Variants in ZBTB16 observed in about 807,000 individuals in gnomAD.
The protein encoded by ZBTB16 is zinc finger and BTB domain-containing protein 16.
Under a neutral mutation model 56.8 loss-of-function variants are expected in ZBTB16, and 8 were observed. The observed-to-expected ratio is 0.14, with a 90% CI of 0.08 to 0.25. The LOEUF is 0.25. Among genes scored for constraint, ZBTB16 ranks in the 10% least tolerant of loss-of-function variants. The pLI is 1.00. For missense variants in ZBTB16, 625 were observed against 903.0 expected, an observed-to-expected ratio of 0.69 and a Z score of 3.95; for synonymous variants, 363 against 368.5, an observed-to-expected ratio of 0.98 and a Z score of 0.17.
At position 114,072,976 on chromosome 11, in the gene ZBTB16, C is replaced by T. The variant is rs113821418; in HGVS notation, c.1268+8408C>T. Among the ~76,000 whole-genome samples, 19 of 149,862 alleles carry T rather than the reference C, an allele frequency of 1.3e-4. 1 individual carries two copies. Among genetic ancestry groups the T allele is most frequent in the African/African-American group, 3.4e-4 (14 of 40,792 alleles). ...CTGAGGCAGGAGAATGGCGTGAACC[C>T]GGGAGGCAGAGCTTGCAGTGAGCCG... On this transcript the variant is annotated intron_variant, in intron 2 of 6. Coordinates refer to ENST00000335953, the MANE Select transcript of ZBTB16 (RefSeq NM_006006.6).
intron 2 of ZBTB16, among the ~76,000 whole-genome samples, chr11:114,098,634 T>C (rs1252707157): frequency 6.6e-6 from 1 of 152,058 alleles, no homozygotes; most frequent in African/African-American, 2.4e-5. Context: ...TCGTCCTCTT[T>C]ATTTTTATCT....
chr11:114,196,333 C>G (rs1236262637), intron 4 of ZBTB16, among the ~76,000 whole-genome samples: 2 of 152,130 alleles, frequency 1.3e-5, no homozygotes, highest in African/African-American at 4.8e-5. Flanking sequence ...CTGGGTATTC[C>G]CTATCTCTTG....
At chr11:114,238,914 T>C (rs1377995810) in intron 4 of ZBTB16, among the ~76,000 whole-genome samples, 5 of 152,194 alleles carry the variant, frequency 3.3e-5, no homozygotes, top group Non-Finnish European at 7.3e-5. Context: ...CAGGAGCTCT[T>C]GGAGTCGCCC....
intron 2 of ZBTB16, among the ~76,000 whole-genome samples, chr11:114,066,937 A>AT (rs1939141971): frequency 6.6e-6 from 1 of 151,506 alleles, no homozygotes; most frequent in Admixed American, 6.6e-5. Context: ...CGCCCAGCTA[A>AT]TTTTTTGTAT....
intron 4 of ZBTB16, among the ~76,000 whole-genome samples, chr11:114,202,381 A>G (rs1408107420): frequency 6.6e-6 from 1 of 152,120 alleles, no homozygotes; most frequent in Non-Finnish European, 1.5e-5. Flanking sequence ...CCCTGTTCCC[A>G]TGGTACCACG....
intron 2 of ZBTB16, among the ~76,000 whole-genome samples, chr11:114,113,510 A>C (rs1181253462): frequency 1.3e-5 from 2 of 152,184 alleles, no homozygotes; most frequent in Non-Finnish European, 2.9e-5. Context: ...CCTATTCCCA[A>C]AGGTGAGTTC....
In ZBTB16 at chr11:114,063,607, C is replaced by T. The variant is rs1938972729; in HGVS notation, c.307C>T (p.Leu103=). Residue 103 remains leucine, a synonymous_variant, in exon 2 of 7, where the codon CTG becomes TTG. Transcript: ENST00000335953. The surrounding 1 kb of genome is among the most constrained non-coding windows in gnomAD (Gnocchi z 6.5). Reference sequence around the variant, plus strand: ...CAAGGCGGAGGACCTGGATGACCTGCTGTATGCGGCCGAGATCCTGGAGAT... The same window carrying T: ...CAAGGCGGAGGACCTGGATGACCTGTTGTATGCGGCCGAGATCCTGGAGAT... ...QAKAEDLDDL[L]YAAEILEIEY... is the part of the protein sequence containing the mutation. 1 of 1,614,206 alleles carries T rather than the reference C, an allele frequency of 6.2e-7. No individual in the cohort carries two copies. The highest frequency in any genetic ancestry group is 1.7e-5 in the Admixed American group (1 of 60,028).
chr11:114,066,163 G>A (rs1939107941), intron 2 of ZBTB16, among the ~76,000 whole-genome samples: 2 of 152,170 alleles, frequency 1.3e-5, no homozygotes, highest in South Asian at 4.1e-4. Flanking sequence ...GCTCGTTCAG[G>A]TACGGGGGAT....
chr11:114,061,798 C>G (rs1205127240), intron 1 of ZBTB16, among the ~76,000 whole-genome samples: 1 of 152,114 alleles, frequency 6.6e-6, no homozygotes, highest in Non-Finnish European at 1.5e-5. Flanking sequence ...CTGGTTGTAA[C>G]TCACACCACA....
At chr11:114,174,883 G>T (rs1453022251) in intron 3 of ZBTB16, among the ~76,000 whole-genome samples, 1 of 152,182 alleles carries the variant, frequency 6.6e-6, no homozygotes, top group African/African-American at 2.4e-5. Context: ...GCAGGGAAGA[G>T]GCAGGGTTCA....
intron 4 of ZBTB16, among the ~76,000 whole-genome samples, chr11:114,218,815 G>T (rs930520000): frequency 6.6e-6 from 1 of 152,178 alleles, no homozygotes; most frequent in African/African-American, 2.4e-5. Flanking sequence ...AAATCATTGC[G>T]AGAGAAAAGC....
At chr11:114,082,932 G>A (rs1322547857) in intron 2 of ZBTB16, among the ~76,000 whole-genome samples, 1 of 152,210 alleles carries the variant, frequency 6.6e-6, no homozygotes, top group Non-Finnish European at 1.5e-5. Flanking sequence ...TCTCGGCTGT[G>A]GTCGTAGCAC....
chr11:114,189,158 G>A (rs185791063), intron 4 of ZBTB16: 2 of 152,294 alleles, frequency 1.3e-5, no homozygotes, highest in Admixed American at 1.3e-4. Context: ...TTTGGAGGGT[G>A]ACAAAATATT....
intron 4 of ZBTB16, among the ~76,000 whole-genome samples, chr11:114,200,675 C>T (rs1327243852): frequency 6.6e-6 from 1 of 152,152 alleles, no homozygotes; most frequent in Non-Finnish European, 1.5e-5. Flanking sequence ...TCAGAATTGT[C>T]CCCACATCCG....
intron 2 of ZBTB16, among the ~76,000 whole-genome samples, chr11:114,090,511 C>T (rs1240704361): frequency 6.6e-6 from 1 of 152,184 alleles, no homozygotes; most frequent in East Asian, 1.9e-4. Flanking sequence ...CCTCTTTCCA[C>T]CCCCATCATA....
At position 114,251,377 on chromosome 11, in the gene ZBTB16, C is replaced by G. The variant is rs1486775602; in HGVS notation, c.*822C>G. Among the ~76,000 whole-genome samples the G allele has an allele frequency of 6.6e-6, 1 of 152,202 alleles. No homozygotes were observed. Among genetic ancestry groups the G allele is most frequent in the Non-Finnish European group, 1.5e-5 (1 of 68,036 alleles). ...ACACAAAACAAATCCAATACCCCAC[C>G]CTAGTCCAGCACCATCGTGAGCAAG... On this transcript the variant is annotated 3_prime_UTR_variant, in exon 7 of 7. Coordinates refer to ENST00000335953, the MANE Select transcript of ZBTB16 (RefSeq NM_006006.6).
chr11:114,249,671 A>G (rs1200273723), intron 6 of ZBTB16, among the ~76,000 whole-genome samples: 5 of 143,482 alleles, frequency 3.5e-5, no homozygotes, highest in African/African-American at 7.9e-5. Flanking sequence ...AGGCTGAGGC[A>G]GGAGAATGGC....
At chr11:114,178,121 T>A (rs1943162378) in intron 3 of ZBTB16, among the ~76,000 whole-genome samples, 1 of 152,136 alleles carries the variant, frequency 6.6e-6, no homozygotes, top group African/African-American at 2.4e-5. Context: ...TCTGACCCCA[T>A]CTTTACTGGT....
chr11:114,184,215 A>G (rs1478756237), intron 3 of ZBTB16, among the ~76,000 whole-genome samples: 2 of 152,240 alleles, frequency 1.3e-5, no homozygotes. Flanking sequence ...AGATAGAGAA[A>G]GTCGATACCC....
Sources: gnomAD v4.1 joint callset for allele counts (sites outside exome capture counted in the v4.1 genomes callset) on GRCh38, gnomAD v4.1.1 for gene constraint, Gnocchi (gnomAD v3.1) non-coding constraint, MANE v1.5 for transcripts, NCBI Gene and HGNC (gene_info 2026-07-23, HGNC 2026-07-21) for gene names.